Variants in ANKRD44 observed in about 807,000 individuals in gnomAD.
The protein encoded by ANKRD44 is ankyrin repeat domain 44.
Under a neutral mutation model 116.0 loss-of-function variants are expected in ANKRD44, and 35 were observed. The observed-to-expected ratio is 0.30, with a 90% CI of 0.23 to 0.40. ANKRD44 has a LOEUF of 0.40. ANKRD44 is among the 10% of genes least tolerant of loss of function. The pLI is 1.00. For missense variants in ANKRD44, 1,014 were observed against 1,242.6 expected, an observed-to-expected ratio of 0.82 and a Z score of 2.77; for synonymous variants, 435 against 461.8, an observed-to-expected ratio of 0.94 and a Z score of 0.74.
chr2:197,190,788 C>T (rs771039491), intron 1 of ANKRD44, among the ~76,000 whole-genome samples: 1 of 152,196 alleles, frequency 6.6e-6, no homozygotes, highest in Non-Finnish European at 1.5e-5. Flanking sequence ...ATAACTTTTG[C>T]AGCTTTTGTC....
In ANKRD44 at chr2:197,092,853, C is replaced by CTT. The variant is rs5837519; in HGVS notation, c.1101-2823_1101-2822dup. Among the ~76,000 whole-genome samples, 11 of 151,878 alleles carry CTT rather than the reference C, an allele frequency of 7.2e-5. No homozygotes were observed. In the East Asian group the frequency reaches 1.5e-3, roughly 21 times the overall value. On this transcript the variant is annotated intron_variant, in intron 10 of 27. Coordinates refer to ENST00000282272, the MANE Select transcript of ANKRD44 (RefSeq NM_001195144.2). Reference sequence around the variant, plus strand: ...TCCCTCTTGATTCAAGAGAAACATTCTTTTTTTTCAATGCATAACATGTTT... The same window carrying CTT: ...TCCCTCTTGATTCAAGAGAAACATTCTTTTTTTTTTCAATGCATAACATGTTT...
intron 1 of ANKRD44, among the ~76,000 whole-genome samples, chr2:197,268,069 C>T (rs923088513): frequency 2.0e-5 from 3 of 152,150 alleles, no homozygotes; most frequent in African/African-American, 7.2e-5. Context: ...AGGAACTCAG[C>T]ACAGGTTTTA....
chr2:197,141,520 G>T (rs2079365825), intron 3 of ANKRD44, among the ~76,000 whole-genome samples: 1 of 152,096 alleles, frequency 6.6e-6, no homozygotes, highest in South Asian at 2.1e-4. Flanking sequence ...GGAGAAAAAT[G>T]ATCCCACGCA....
chr2:197,084,502 G>A (rs2077874579), intron 13 of ANKRD44, among the ~76,000 whole-genome samples: 1 of 152,170 alleles, frequency 6.6e-6, no homozygotes, highest in African/African-American at 2.4e-5. Flanking sequence ...GGGTAGGGAT[G>A]TTGGTTAATG....
chr2:197,036,216 G>A (rs1035469788), intron 16 of ANKRD44, among the ~76,000 whole-genome samples: 1 of 152,070 alleles, frequency 6.6e-6, no homozygotes, highest in African/African-American at 2.4e-5. Context: ...CATAAGCAAG[G>A]AGACATTACC....
chr2:197,305,584 G>A (rs2084044137), intron 1 of ANKRD44, among the ~76,000 whole-genome samples: 1 of 151,696 alleles, frequency 6.6e-6, no homozygotes, highest in Admixed American at 6.6e-5. Flanking sequence ...AGCAAAAGAG[G>A]AAGTAAAAAG....
chr2:197,125,352 A>G (rs1416437536), intron 6 of ANKRD44, 29 bp downstream of exon 6: 1 of 1,594,868 alleles, frequency 6.3e-7, no homozygotes, highest in Non-Finnish European at 8.6e-7. Flanking sequence ...GGTTATCTGT[A>G]CTTTGCTTTC....
intron 1 of ANKRD44, among the ~76,000 whole-genome samples, chr2:197,202,638 C>T (rs1019450373): frequency 2.6e-5 from 4 of 151,986 alleles, no homozygotes; most frequent in Non-Finnish European, 5.9e-5. Context: ...AGTGGCATAA[C>T]CACAGTTCAC....
chr2:197,222,189 T>C (rs1461865702), intron 1 of ANKRD44, among the ~76,000 whole-genome samples: 2 of 152,200 alleles, frequency 1.3e-5, no homozygotes, highest in Admixed American at 1.3e-4. Context: ...GGTTGCCCAC[T>C]AGGATCTGCT....
chr2:197,049,896 A>T (rs2077073666), intron 16 of ANKRD44, among the ~76,000 whole-genome samples: 1 of 152,004 alleles, frequency 6.6e-6, no homozygotes, highest in Non-Finnish European at 1.5e-5. Context: ...TAATCCAATG[A>T]TCTCTCTTTT....
chr2:197,102,986 C>T (rs10200320), intron 9 of ANKRD44, among the ~76,000 whole-genome samples: 99,104 of 151,802 alleles, frequency 0.65, 33,912 homozygotes, highest in East Asian at 0.96. Flanking sequence ...TCCCAGCACT[C>T]TGGGAGGCCA....
intron 1 of ANKRD44, among the ~76,000 whole-genome samples, chr2:197,289,876 T>C (rs1052678980): frequency 4.1e-5 from 6 of 148,146 alleles, no homozygotes; most frequent in East Asian, 3.9e-4. Context: ...ATTTTTCTCT[T>C]TTTTTTTTTT....
At chr2:197,243,001 T>C (rs1474827396) in intron 1 of ANKRD44, among the ~76,000 whole-genome samples, 1 of 152,214 alleles carries the variant, frequency 6.6e-6, no homozygotes, top group African/African-American at 2.4e-5. Context: ...CTTAATCGCT[T>C]AGGAAAATTA....
intron 1 of ANKRD44, among the ~76,000 whole-genome samples, chr2:197,264,348 A>T (rs2082686909): frequency 6.6e-6 from 1 of 152,210 alleles, no homozygotes; most frequent in African/African-American, 2.4e-5. Flanking sequence ...TTTTGACCAA[A>T]TAAGTATCCC....
intron 21 of ANKRD44, among the ~76,000 whole-genome samples, chr2:196,977,574 G>A (rs1412532962): frequency 6.6e-6 from 1 of 152,198 alleles, no homozygotes; most frequent in African/African-American, 2.4e-5. Context: ...ATATACAAAT[G>A]TCCAATAAGC....
chr2:196,982,741 G>T (rs1405913387), downstream of ANKRD44, among the ~76,000 whole-genome samples: 1 of 152,114 alleles, frequency 6.6e-6, no homozygotes, highest in East Asian at 1.9e-4. Flanking sequence ...TGGTCACTAG[G>T]GTTTCTCTCT....
intron 9 of ANKRD44, among the ~76,000 whole-genome samples, chr2:197,108,173 A>G (rs2078478311): frequency 6.6e-6 from 1 of 152,138 alleles, no homozygotes; most frequent in African/African-American, 2.4e-5. Flanking sequence ...TCAGATCCCT[A>G]TTCCTCAACA....
rs1339699176 is a variant in ANKRD44 at position 197,112,947 on chromosome 2, GA to G, written c.907-2104del. ...AGGAATTACACATAGTCTGTGCCAA[GA>G]AAAAAAAGTTAATTAGAACGGTAAG... On this transcript the variant is annotated intron_variant, in intron 8 of 27. Coordinates refer to ENST00000282272, the MANE Select transcript of ANKRD44 (RefSeq NM_001195144.2). 3.5e-5 allele frequency among the ~76,000 whole-genome samples: 5 copies of G among 144,642 alleles called. No individual in the cohort carries two copies. In the South Asian group the frequency reaches 6.5e-4, roughly 19 times the overall value. 94.9% of individuals were successfully genotyped at this position (144,642 alleles called of 152,430 possible).
intron 1 of ANKRD44, among the ~76,000 whole-genome samples, chr2:197,260,696 C>A (rs569244578): frequency 0.013 from 1,944 of 151,888 alleles, 13 homozygotes; most frequent in Non-Finnish European, 0.019. Context: ...TACAGTCCCA[C>A]CAACAATGTA....
Sources: allele counts gnomAD v4.1 joint callset (sites outside exome capture counted in the v4.1 genomes callset), GRCh38; gene constraint gnomAD v4.1.1; transcripts MANE v1.5; gene names NCBI Gene and HGNC (gene_info 2026-07-23, HGNC 2026-07-21).